The following ZMYM1 variants were observed in gnomAD, a reference collection of about 807,000 sequenced individuals.
ZMYM1 encodes zinc finger MYM-type containing 1, also known as zinc finger MYM-type protein 1.
ZMYM1 carries 39 observed loss-of-function variants against 60.0 expected under a neutral mutation model. The observed-to-expected ratio is 0.65, with a 90% CI of 0.50 to 0.85. The LOEUF (loss-of-function observed/expected upper bound fraction) is 0.85. ZMYM1 is among the 40% of genes least tolerant of loss of function. The pLI is 0.00. For synonymous variants in ZMYM1, 413 were observed against 454.0 expected, an observed-to-expected ratio of 0.91 and a Z score of 1.15; for missense variants, 1,171 against 1,309.5, an observed-to-expected ratio of 0.89 and a Z score of 1.63.
chr1:35,114,593 A>C lies in ZMYM1; in HGVS notation c.2763A>C (p.Gln921His). ...GGGATGGAACAGAGGAAATATGTCAAAAAATAACCTGTAAAGGTTTTAAAG... is the reference window on the plus strand; with the variant it reads ...GGGATGGAACAGAGGAAATATGTCACAAAATAACCTGTAAAGGTTTTAAAG... ...TIWDGTEEIC[Q>H]KITCKGFKVE... Residue 921 changes from glutamine to histidine, a missense_variant, in exon 10 of 10, where the codon CAA becomes CAC. Transcript: ENST00000359858. 1 of 1,609,872 alleles carries C rather than the reference A, an allele frequency of 6.2e-7. No homozygotes were observed. The highest frequency in any genetic ancestry group is 1.1e-5 in the South Asian group (1 of 90,024).
intron 1 of ZMYM1, among the ~76,000 whole-genome samples, chr1:35,091,604 T>C (rs1643006637): frequency 1.3e-5 from 2 of 151,912 alleles, no homozygotes; most frequent in African/African-American, 4.8e-5. Flanking sequence ...GAATCTGAGG[T>C]TGTGATCATA....
chr1:35,090,372 C>A (rs1469731615), intron 1 of ZMYM1, among the ~76,000 whole-genome samples: 2 of 152,070 alleles, frequency 1.3e-5, no homozygotes, highest in Non-Finnish European at 2.9e-5. Flanking sequence ...AAAGAAGGAA[C>A]CAATCTGTCT....
Position 35,113,804 on chromosome 1 carries a change from G to A in ZMYM1, c.1974G>A (p.Gln658=), listed in dbSNP as rs1644176920. The change falls in exon 10 of 10, where the codon CAG becomes CAA. Residue 658 remains glutamine, a synonymous_variant. Coordinates refer to ENST00000359858, the MANE Select transcript of ZMYM1 (RefSeq NM_024772.5). The part of the protein sequence containing the change: ...DETINSAMKE[Q]LSICVRYPQK... Reference sequence around the variant, plus strand: ...CAATCAATAGTGCCATGAAAGAACAGCTTTCAATTTGTGTAAGATACCCAC... The same window carrying A: ...CAATCAATAGTGCCATGAAAGAACAACTTTCAATTTGTGTAAGATACCCAC... The A allele has an allele frequency of 6.2e-7, 1 of 1,613,772 alleles. No homozygotes were observed. The highest frequency in any genetic ancestry group is 8.5e-7 in the Non-Finnish European group (1 of 1,179,834).
At chr1:35,085,436 CTT>C (rs973937520) in intron 1 of ZMYM1, among the ~76,000 whole-genome samples, 1 of 152,200 alleles carries the variant, frequency 6.6e-6, no homozygotes, top group Admixed American at 6.5e-5. Flanking sequence ...GCAGAAATGA[CTT>C]TGGCAGGAAG....
At chr1:35,106,140 G>T (rs957736335) in intron 6 of ZMYM1, among the ~76,000 whole-genome samples, 7 of 152,000 alleles carry the variant, frequency 4.6e-5, no homozygotes, top group African/African-American at 1.7e-4. Flanking sequence ...AGTCATAGGA[G>T]GAAATAATCC....
At chr1:35,118,720 A>T (rs558908056), downstream of ZMYM1, among the ~76,000 whole-genome samples, 1 of 152,064 alleles carries the variant, frequency 6.6e-6, no homozygotes, top group South Asian at 2.1e-4. Context: ...AAAAAAATCG[A>T]GGTTGGTGTT....
chr1:35,104,908 G>T, intron 6 of ZMYM1, 139 bp downstream of exon 6: 1 of 625,242 alleles, frequency 1.6e-6, no homozygotes. Flanking sequence ...GGCTTTTAAC[G>T]GTTTCTTCTT....
chr1:35,075,789 A>G (rs553144415), upstream of ZMYM1, among the ~76,000 whole-genome samples: 5 of 152,308 alleles, frequency 3.3e-5, no homozygotes, highest in East Asian at 9.6e-4. Context: ...TTAATGGAAA[A>G]CCAATCCATC....
intron 1 of ZMYM1, among the ~76,000 whole-genome samples, chr1:35,091,260 T>C (rs1482833396): frequency 1.3e-5 from 2 of 152,080 alleles, no homozygotes; most frequent in South Asian, 2.1e-4. Context: ...TCTCCCAGGC[T>C]GGAGTGCAGT....
intron 6 of ZMYM1, among the ~76,000 whole-genome samples, chr1:35,110,047 C>T (rs1265127108): frequency 1.3e-5 from 2 of 152,162 alleles, no homozygotes; most frequent in Non-Finnish European, 2.9e-5. Context: ...TGCACCTGGC[C>T]TTACTGCTTT....
Position 35,114,200 on chromosome 1 carries a change from C to T in ZMYM1, c.2370C>T (p.Asn790=). 1 of 1,612,698 alleles carries T rather than the reference C, an allele frequency of 6.2e-7. No individual in the cohort carries two copies. Among genetic ancestry groups the T allele is most frequent in the Admixed American group, 1.7e-5 (1 of 59,758 alleles). ...GGGAAATGTTGGCAAATTTTCGAAA[C>T]ATTTATAGGCTAAGTCAAAACAAAA... ...MSGEMLANFR[N]IYRLSQNKTC... The change falls in exon 10 of 10, where the codon AAC becomes AAT. Residue 790 remains asparagine, a synonymous_variant. Transcript: ENST00000359858.
chr1:35,066,875 T>A (rs538655921), intron 1 of ZMYM1, among the ~76,000 whole-genome samples: 4 of 152,208 alleles, frequency 2.6e-5, no homozygotes, highest in Non-Finnish European at 4.4e-5. Context: ...CAGAATTTTT[T>A]TGTAAATATA....
rs371625450 is a variant in ZMYM1, at chr1:35,097,591, C to G, written c.419+25C>G. ...AGTATATAATTCTAAATTATGCCCC[C>G]TTTTATTTCCCTACCTTGTTCTTGA... On this transcript the variant is annotated intron_variant, in intron 4 of 9. Coordinates refer to ENST00000359858, the MANE Select transcript of ZMYM1 (RefSeq NM_024772.5). 24 of 1,611,804 alleles carry G rather than the reference C, an allele frequency of 1.5e-5. No individual in the cohort carries two copies. The African/African-American group carries it at 2.5e-4, about 17-fold the overall frequency.
At chr1:35,095,490 CAAAAAAAAAAGAAAAA>C (rs1298858943) in intron 2 of ZMYM1, among the ~76,000 whole-genome samples, 1 of 60,534 alleles carries the variant, frequency 1.7e-5, no homozygotes, top group Admixed American at 1.8e-4. Context: ...GATCTTGTCT[CAAAAAAAAAAGAAAAA>C]AAAAAAAAAA....
chr1:35,098,710 C>T (rs1423800903), intron 4 of ZMYM1, among the ~76,000 whole-genome samples: 1 of 152,068 alleles, frequency 6.6e-6, no homozygotes, highest in Non-Finnish European at 1.5e-5. Context: ...AGTTTGAGAC[C>T]AGCCTGGCAA....
At chr1:35,074,408 T>G (rs1569850490), upstream of ZMYM1, among the ~76,000 whole-genome samples, 1 of 152,108 alleles carries the variant, frequency 6.6e-6, no homozygotes, top group East Asian at 1.9e-4. Flanking sequence ...TGATGTTTCT[T>G]TGTTGATTTT....
chr1:35,114,415 T>G lies in ZMYM1; in HGVS notation c.2585T>G (p.Leu862Trp). 1 of 1,613,280 alleles carries G rather than the reference T, an allele frequency of 6.2e-7. No individual in the cohort carries two copies. The highest frequency in any genetic ancestry group is 8.5e-7 in the Non-Finnish European group (1 of 1,179,482). Residue 862 changes from leucine (L) to tryptophan (W), a missense_variant, in exon 10 of 10, where the codon TTG becomes TGG. Physicochemically the swap from Leu to Trp is moderately conservative, Grantham distance 61. Coordinates refer to ENST00000359858, the MANE Select transcript of ZMYM1 (RefSeq NM_024772.5). ...TCCAAATTTGAATTTGTCTTTTGTT[T>G]GAAATTCCTGTATCGAGTGCTGAGT... ...LVSKFEFVFC[L>W]KFLYRVLSVT... is the part of the protein sequence containing the mutation.
At chr1:35,087,838 G>A (rs7521232) in intron 1 of ZMYM1, among the ~76,000 whole-genome samples, 109,155 of 151,844 alleles carry the variant, frequency 0.72, 42,687 homozygotes, top group Non-Finnish European at 0.9. Flanking sequence ...TGAGGCCGGT[G>A]GATCATGAGG....
chr1:35,082,291 A>G (rs1012567362), intron 1 of ZMYM1, among the ~76,000 whole-genome samples: 13 of 151,614 alleles, frequency 8.6e-5, no homozygotes, highest in African/African-American at 2.9e-4. Flanking sequence ...AGAGTTTTCT[A>G]TATGCAGTCA....
Sources: allele counts gnomAD v4.1 joint callset (sites outside exome capture counted in the v4.1 genomes callset), GRCh38; gene constraint gnomAD v4.1.1; transcripts MANE v1.5; gene names NCBI Gene and HGNC (gene_info 2026-07-23, HGNC 2026-07-21).